Variants in CFAP47 observed in about 807,000 individuals in gnomAD.
CFAP47 encodes the protein cilia- and flagella-associated protein 47.
A neutral mutation model predicts 148.1 loss-of-function variants in CFAP47; 29 were observed. The observed-to-expected ratio is 0.20, with a 90% CI of 0.15 to 0.27. The LOEUF is 0.27. CFAP47 is among the 10% of genes least tolerant of loss of function. CFAP47 has a pLI of 1.00. For synonymous variants in CFAP47, 664 were observed against 577.3 expected (o/e 1.15, Z -2.15); for missense variants, 1,872 against 1,697.5 (o/e 1.10, Z -1.81).
At chrX:36,173,474 T>C (rs1292780139) in intron 39 of CFAP47, among the ~76,000 whole-genome samples, 1 of 111,788 alleles carries the variant, frequency 8.9e-6, no homozygotes, top group African/African-American at 3.3e-5. Context: ...GCTTTGAATG[T>C]GTCCCAGAGG....
chrX:36,199,168 G>T (rs1445168836), intron 42 of CFAP47, among the ~76,000 whole-genome samples: 6 of 111,556 alleles, frequency 5.4e-5, no homozygotes, highest in African/African-American at 2.0e-4. Context: ...TCTAAATAAG[G>T]TTCAACCATT....
Position 36,160,775 on chromosome X carries a change from T to C in CFAP47, c.6026+6T>C. The C allele has an allele frequency of 3.4e-6, 1 of 292,663 alleles. No homozygotes were observed. Among genetic ancestry groups the C allele is most frequent in the East Asian group, 4.8e-5 (1 of 20,827 alleles). The allele number at this position is 292,663 out of a possible 1,213,427, so 24.1% of individuals were successfully genotyped here. On this transcript the variant is annotated splice_donor_region_variant and intron_variant, in intron 39 of 63. Coordinates refer to ENST00000378653, the MANE Select transcript of CFAP47 (RefSeq NM_001304548.2). ...CATACGGCTGGGGACTTCAGGTAAG[T>C]TATTGTTTTGGTGTAAATTCATTGC... is the stretch of plus-strand genomic sequence containing the variant.
At chrX:36,036,922 G>A (rs770111102) in intron 24 of CFAP47, among the ~76,000 whole-genome samples, 88 of 112,180 alleles carry the variant, frequency 7.8e-4, no homozygotes, top group African/African-American at 2.7e-3. Context: ...CTTTGTGTGT[G>A]AGAAACATCT....
intron 9 of CFAP47, among the ~76,000 whole-genome samples, chrX:35,967,127 T>C (rs1381544514): frequency 9.0e-6 from 1 of 111,504 alleles, no homozygotes; most frequent in Non-Finnish European, 1.9e-5. Context: ...ATTCTGAGGA[T>C]TGCGCTTTGA....
chrX:35,964,940 G>A (rs907537397), intron 8 of CFAP47, among the ~76,000 whole-genome samples: 5 of 110,845 alleles, frequency 4.5e-5, no homozygotes, highest in African/African-American at 1.6e-4. Flanking sequence ...TACTATGTTT[G>A]TCTAATAAGT....
chrX:36,004,702 G>C (rs1312624149), intron 21 of CFAP47, among the ~76,000 whole-genome samples: 1 of 109,456 alleles, frequency 9.1e-6, no homozygotes, highest in Non-Finnish European at 1.9e-5. Context: ...ATTTCCAAAA[G>C]AGACAATCTA....
chrX:36,230,726 G>A (rs1260114248), intron 46 of CFAP47, among the ~76,000 whole-genome samples: 1 of 108,498 alleles, frequency 9.2e-6, no homozygotes, highest in African/African-American at 3.4e-5. Flanking sequence ...TTTTCTTCTA[G>A]GGTTTTTATG....
At chrX:36,054,606 A>G (rs1205785693) in intron 26 of CFAP47, among the ~76,000 whole-genome samples, 1 of 111,087 alleles carries the variant, frequency 9.0e-6, no homozygotes, top group Non-Finnish European at 1.9e-5. Context: ...TTTATCCTGA[A>G]CATTTTTAGT....
intron 45 of CFAP47, among the ~76,000 whole-genome samples, chrX:36,219,939 C>G (rs1555990587): frequency 9.0e-6 from 1 of 111,423 alleles, no homozygotes; most frequent in South Asian, 3.8e-4. Context: ...CATCCTCAAC[C>G]TTGGCAAAAT....
At chrX:36,321,595 A>T (rs1464813229) in intron 57 of CFAP47, among the ~76,000 whole-genome samples, 4 of 111,775 alleles carry the variant, frequency 3.6e-5, no homozygotes, top group Non-Finnish European at 7.5e-5. Flanking sequence ...CCCTGATGTG[A>T]TTATCACACA....
chrX:36,276,364 A>G (rs1941017592), intron 49 of CFAP47, among the ~76,000 whole-genome samples: 1 of 111,951 alleles, frequency 8.9e-6, no homozygotes, highest in Non-Finnish European at 1.9e-5. Flanking sequence ...CAACATTTTT[A>G]TCTAAGGTGA....
At chrX:36,079,931 G>T (rs923162944) in intron 29 of CFAP47, among the ~76,000 whole-genome samples, 7 of 111,605 alleles carry the variant, frequency 6.3e-5, no homozygotes, top group Non-Finnish European at 1.3e-4. Context: ...AGACAAATGG[G>T]ATCTAATTAT....
At chrX:36,306,925 C>T in intron 55 of CFAP47, 49 bp downstream of exon 55, 1 of 553,628 alleles carries the variant, frequency 1.8e-6, no homozygotes, top group Non-Finnish European at 2.7e-6. Flanking sequence ...AATTTTAAAT[C>T]AATATATAAA....
intron 62 of CFAP47, among the ~76,000 whole-genome samples, chrX:36,375,758 G>A (rs6632595): frequency 1.8e-5 from 2 of 112,227 alleles, no homozygotes; most frequent in South Asian, 7.3e-4. Flanking sequence ...TTCACCTTTA[G>A]GGTAACAGGG....
At chrX:36,028,317 A>G (rs1272732585) in intron 22 of CFAP47, among the ~76,000 whole-genome samples, 1 of 110,902 alleles carries the variant, frequency 9.0e-6, no homozygotes, top group African/African-American at 3.3e-5. Flanking sequence ...TCCATTTTTA[A>G]TTAATTTTTG....
intron 33 of CFAP47, among the ~76,000 whole-genome samples, chrX:36,134,555 A>G (rs903777190): frequency 9.1e-6 from 1 of 110,425 alleles, no homozygotes; most frequent in African/African-American, 3.4e-5. Context: ...TTCAACAAAT[A>G]TTACTTGAAT....
intron 9 of CFAP47, 114 bp from the exon 10 acceptor site, chrX:35,967,505 G>A (rs1311187384): frequency 4.2e-6 from 2 of 476,840 alleles, no homozygotes; most frequent in East Asian, 3.9e-5. Flanking sequence ...GTGTTTAGGA[G>A]TTGAGCATTT....
At position 36,098,824 on chromosome X, in the gene CFAP47, C is replaced by T; in HGVS notation, c.4948C>T (p.Pro1650Ser). 8.4e-7 allele frequency: 1 copy of T among 1,188,169 alleles called. No individual in the cohort carries two copies. Among genetic ancestry groups the T allele is most frequent in the South Asian group, 1.8e-5 (1 of 54,270 alleles). Residue 1650 changes from proline to serine, a missense_variant, in exon 31 of 64, where the codon CCA becomes TCA. Physicochemically the swap from Pro to Ser is moderately conservative, Grantham distance 74. Coordinates refer to ENST00000378653, the MANE Select transcript of CFAP47 (RefSeq NM_001304548.2). Reference sequence around the variant, plus strand: ...AGGAGGATGTATTTCACATGTCCTGCCAGAATTTTTGCTTGAACCAGAAGA... The same window carrying T: ...AGGAGGATGTATTTCACATGTCCTGTCAGAATTTTTGCTTGAACCAGAAGA... ...AQGGCISHVL[P>S]EFLLEPEDYK...
chrX:36,034,885 G>T (rs1472579236), intron 23 of CFAP47, among the ~76,000 whole-genome samples: 1 of 110,648 alleles, frequency 9.0e-6, no homozygotes, highest in African/African-American at 3.3e-5. Context: ...CAGGTTCTAG[G>T]CCCTTTCAAC....
Sources: allele counts gnomAD v4.1 joint callset (sites outside exome capture counted in the v4.1 genomes callset), GRCh38; gene constraint gnomAD v4.1.1; transcripts MANE v1.5; gene names NCBI Gene and HGNC (gene_info 2026-07-23, HGNC 2026-07-21).